MYO9A: variants seen among roughly 807,000 people sequenced by gnomAD.
MYO9A encodes the protein unconventional myosin-IXa.
In MYO9A, 103 loss-of-function variants were observed where a neutral mutation model predicts 293.3. The ratio of observed to expected loss-of-function variants is 0.35; its 90% CI spans 0.30 to 0.41. The LOEUF is 0.41. Ranked by LOEUF, MYO9A falls within the 10% of genes least tolerant of loss-of-function variation. The probability of loss-of-function intolerance (pLI) is 1.00; values close to 1 mark genes in which losing one functional copy is unlikely to be tolerated. For synonymous variants in MYO9A, 1,001 were observed against 1,035.7 expected (o/e 0.97, Z 0.64); for missense variants, 2,685 against 3,033.0 (o/e 0.89, Z 2.69).
intron 12 of MYO9A, among the ~76,000 whole-genome samples, chr15:71,968,966 A>G (rs796962846): frequency 3.9e-5 from 6 of 152,354 alleles, no homozygotes; most frequent in African/African-American, 1.4e-4. Context: ...CAAAATTACA[A>G]CAAACATAGT....
intron 11 of MYO9A, among the ~76,000 whole-genome samples, chr15:71,980,317 T>C (rs557715673): frequency 2.1e-4 from 32 of 152,352 alleles, no homozygotes; most frequent in Admixed American, 9.8e-4. Context: ...CATTCTGATG[T>C]GGTTGTGGCA....
intron 1 of MYO9A, among the ~76,000 whole-genome samples, chr15:72,112,732 A>G (rs893286375): frequency 3.9e-5 from 6 of 152,236 alleles, no homozygotes; most frequent in Non-Finnish European, 7.3e-5. Context: ...ACAGAAACCT[A>G]TATGTTAAAG....
intron 18 of MYO9A, among the ~76,000 whole-genome samples, chr15:71,928,213 G>A (rs2058379751): frequency 6.9e-6 from 1 of 145,116 alleles, no homozygotes. Context: ...GAGTAGCTGG[G>A]ACTACAGGCG....
chr15:72,014,752 A>AAGAAAGAAAGAAAGAAAG (rs1292722516), intron 6 of MYO9A, among the ~76,000 whole-genome samples: 2 of 148,252 alleles, frequency 1.3e-5, no homozygotes, highest in African/African-American at 2.5e-5. Flanking sequence ...AAAGAAAGGA[A>AAGAAAGAAAGAAAGAAAG]AGAAAGAAAG....
At chr15:71,915,380 T>C (rs1466036342) in intron 19 of MYO9A, among the ~76,000 whole-genome samples, 1 of 152,008 alleles carries the variant, frequency 6.6e-6, no homozygotes. Flanking sequence ...TTTAAGCTTA[T>C]TTGCACATAA....
chr15:72,035,520 A>T (rs1256850012), intron 2 of MYO9A, among the ~76,000 whole-genome samples: 1 of 152,214 alleles, frequency 6.6e-6, no homozygotes, highest in East Asian at 1.9e-4. Flanking sequence ...CAGTCTCAAA[A>T]CTTTACATGT....
intron 18 of MYO9A, among the ~76,000 whole-genome samples, chr15:71,928,048 A>T (rs1567282275): frequency 3.9e-4 from 4 of 10,140 alleles, no homozygotes; most frequent in Non-Finnish European, 1.5e-3. Context: ...ATATATATAT[A>T]TATATATATT....
chr15:72,107,272 AGT>A (rs1375908128), intron 1 of MYO9A, among the ~76,000 whole-genome samples: 15 of 152,120 alleles, frequency 9.9e-5, no homozygotes, highest in Non-Finnish European at 2.1e-4. Context: ...ATCTCGGCAG[AGT>A]GTAGTGACTC....
intron 22 of MYO9A, among the ~76,000 whole-genome samples, chr15:71,902,369 G>A (rs1391635297): frequency 2.0e-5 from 3 of 151,948 alleles, no homozygotes; most frequent in East Asian, 1.9e-4. Flanking sequence ...AATATTATGA[G>A]TAGAATAAAT....
At chr15:72,089,993 T>C (rs1242037782) in intron 1 of MYO9A, among the ~76,000 whole-genome samples, 2 of 152,212 alleles carry the variant, frequency 1.3e-5, no homozygotes, top group African/African-American at 4.8e-5. Context: ...AACAATGCTA[T>C]ATTAATAACT....
At chr15:72,103,991 T>C (rs2080482362) in intron 1 of MYO9A, among the ~76,000 whole-genome samples, 1 of 152,238 alleles carries the variant, frequency 6.6e-6, no homozygotes, top group East Asian at 1.9e-4. Context: ...CCTTCTCTTG[T>C]ATACAGATGG....
chr15:72,027,741 G>A lies in MYO9A; in HGVS notation c.988C>T (p.His330Tyr). The change falls in exon 4 of 42, where the codon CAT (histidine) becomes TAT (tyrosine). Residue 330 changes from histidine (H) to tyrosine (Y), a missense_variant. Transcript: ENST00000356056. ...LEKSRLVYQE[H>Y]NERNYHVFYY... Reference sequence around the variant, plus strand: ...AATAAAAATACGTACCGTTCATTATGCTCCTGATAAACGAGTCTGGACTTC... The same window carrying A: ...AATAAAAATACGTACCGTTCATTATACTCCTGATAAACGAGTCTGGACTTC... 1.2e-6 allele frequency: 2 copies of A among 1,606,662 alleles called. No homozygotes were observed. The highest frequency in any genetic ancestry group is 1.7e-6 in the Non-Finnish European group (2 of 1,176,680).
upstream of MYO9A, chr15:72,118,254 G>A (rs2081081147): frequency 3.2e-6 from 1 of 317,066 alleles, no homozygotes; most frequent in Admixed American, 5.1e-5. Flanking sequence ...GCGCAGACAC[G>A]CCCCCTTTCC....
chr15:72,045,055 A>G (rs2078342028), intron 2 of MYO9A: 1 of 152,142 alleles, frequency 6.6e-6, no homozygotes, highest in Non-Finnish European at 1.5e-5. Context: ...ACATCTATCA[A>G]ATATTTTTTA....
chr15:71,834,932 GTAT>G (rs1288503528), intron 39 of MYO9A, among the ~76,000 whole-genome samples: 2 of 152,060 alleles, frequency 1.3e-5, no homozygotes, highest in Non-Finnish European at 2.9e-5. Context: ...TATTGTAGTA[GTAT>G]GATACTACTA....
intron 6 of MYO9A, among the ~76,000 whole-genome samples, chr15:72,011,013 TA>T (rs1450245588): frequency 8.6e-5 from 13 of 151,848 alleles, no homozygotes; most frequent in African/African-American, 2.7e-4. Flanking sequence ...ATAGATATGT[TA>T]TTTTTTTTTT....
chr15:71,997,597 C>CA lies in MYO9A; in HGVS notation c.1470+2253dup, dbSNP rs200553767. Among the ~76,000 whole-genome samples the CA allele has an allele frequency of 2.9e-4, 43 of 148,334 alleles. No homozygotes were observed. In the East Asian group the frequency reaches 6.9e-3, roughly 24 times the overall value. ...CCAGGTAAGAGTGCGAGACTCGTCT[C>CA]AAAAAAAATAAATGAATACACCAAA... On this transcript the variant is annotated intron_variant, in intron 9 of 41. Transcript: ENST00000356056.
At chr15:71,938,165 G>A (rs1262803120) in intron 16 of MYO9A, among the ~76,000 whole-genome samples, 1 of 151,904 alleles carries the variant, frequency 6.6e-6, no homozygotes, top group Non-Finnish European at 1.5e-5. Context: ...AGAAAGACAC[G>A]GTGACTCAAT....
intron 13 of MYO9A, among the ~76,000 whole-genome samples, chr15:71,962,360 C>T (rs1396134358): frequency 2.0e-5 from 3 of 152,176 alleles, no homozygotes; most frequent in Non-Finnish European, 4.4e-5. Context: ...AGTCAGCTTG[C>T]ACTTATCCTA....
Sources: allele counts gnomAD v4.1 joint callset (sites outside exome capture counted in the v4.1 genomes callset), GRCh38; gene constraint gnomAD v4.1.1; transcripts MANE v1.5; gene names NCBI Gene and HGNC (gene_info 2026-07-23, HGNC 2026-07-21).